CNTNAP5: variants seen among roughly 807,000 people sequenced by gnomAD.
The protein encoded by CNTNAP5 is contactin-associated protein-like 5.
CNTNAP5 carries 72 observed loss-of-function variants against 150.2 expected under a neutral mutation model. The ratio of observed to expected loss-of-function variants is 0.48; its 90% CI spans 0.40 to 0.58. The LOEUF is 0.58. Among genes scored for constraint, CNTNAP5 ranks in the 20% least tolerant of loss-of-function variants. CNTNAP5 has a pLI of 0.00. For missense variants in CNTNAP5, 1,636 were observed against 1,626.2 expected, an observed-to-expected ratio of 1.01 and a Z score of -0.10; for synonymous variants, 672 against 619.8, an observed-to-expected ratio of 1.08 and a Z score of -1.25.
chr2:124,093,865 G>A (rs567777532), intron 1 of CNTNAP5, among the ~76,000 whole-genome samples: 3 of 152,196 alleles, frequency 2.0e-5, no homozygotes, highest in Admixed American at 1.3e-4. Flanking sequence ...TAATGATATC[G>A]CAGCCTCAGT....
chr2:124,452,181 A>G (rs925876730), intron 6 of CNTNAP5, among the ~76,000 whole-genome samples: 10 of 152,184 alleles, frequency 6.6e-5, no homozygotes, highest in African/African-American at 2.4e-4. Flanking sequence ...GCTTGGAAAC[A>G]GACTTGGTGC....
intron 13 of CNTNAP5, among the ~76,000 whole-genome samples, chr2:124,733,238 T>A (rs1680310381): frequency 6.6e-6 from 1 of 152,090 alleles, no homozygotes; most frequent in African/African-American, 2.4e-5. Flanking sequence ...ATACATATAA[T>A]TAGTCTTGAT....
At chr2:124,867,778 T>G (rs1008496345) in intron 20 of CNTNAP5, among the ~76,000 whole-genome samples, 1 of 152,210 alleles carries the variant, frequency 6.6e-6, no homozygotes, top group Non-Finnish European at 1.5e-5. Context: ...GAATCAATCC[T>G]GAATGTGTAT....
At chr2:124,712,805 T>C (rs146721916) in intron 13 of CNTNAP5, among the ~76,000 whole-genome samples, 1 of 151,864 alleles carries the variant, frequency 6.6e-6, no homozygotes, top group Non-Finnish European at 1.5e-5. Flanking sequence ...TGGAGTGCAA[T>C]AATGCAATTG....
chr2:124,100,070 T>C (rs1232383817), intron 1 of CNTNAP5, among the ~76,000 whole-genome samples: 11 of 133,506 alleles, frequency 8.2e-5, no homozygotes, highest in Non-Finnish European at 1.9e-4. Flanking sequence ...AGAAGTTTAA[T>C]TTTTCTCACC....
chr2:124,117,931 A>G (rs1365897025), intron 1 of CNTNAP5, among the ~76,000 whole-genome samples: 2 of 152,158 alleles, frequency 1.3e-5, no homozygotes, highest in Non-Finnish European at 2.9e-5. Context: ...AAAAAAATAC[A>G]AAACATTAGC....
chr2:124,379,035 A>G (rs1412135157), intron 3 of CNTNAP5, among the ~76,000 whole-genome samples: 2 of 151,982 alleles, frequency 1.3e-5, no homozygotes, highest in Admixed American at 6.6e-5. Context: ...TCAGAGCAAA[A>G]TTGAGCAGAA....
intron 13 of CNTNAP5, among the ~76,000 whole-genome samples, chr2:124,713,318 C>CTTTCTTTCTTT (rs1553434509): frequency 1.1e-4 from 5 of 43,926 alleles, no homozygotes; most frequent in African/African-American, 3.1e-4. Context: ...CTCTTTCTTT[C>CTTTCTTTCTTT]CTTTCTTTCT....
At chr2:124,095,039 T>C (rs778596040) in intron 1 of CNTNAP5, among the ~76,000 whole-genome samples, 1 of 152,190 alleles carries the variant, frequency 6.6e-6, no homozygotes, top group Non-Finnish European at 1.5e-5. Flanking sequence ...GTAAGACACA[T>C]GCACACTTAT....
intron 1 of CNTNAP5, among the ~76,000 whole-genome samples, chr2:124,091,419 G>A (rs1304960277): frequency 6.6e-6 from 1 of 152,142 alleles, no homozygotes; most frequent in Non-Finnish European, 1.5e-5. Context: ...TCAAACTGGG[G>A]TGATTGCTAG....
intron 10 of CNTNAP5, among the ~76,000 whole-genome samples, chr2:124,552,657 G>T (rs1174773334): frequency 6.6e-6 from 1 of 152,018 alleles, no homozygotes; most frequent in Non-Finnish European, 1.5e-5. Flanking sequence ...CTATAAATTT[G>T]TGTGTGTATA....
chr2:124,284,296 C>T (rs1239182859), intron 3 of CNTNAP5, among the ~76,000 whole-genome samples: 1 of 152,126 alleles, frequency 6.6e-6, no homozygotes, highest in Non-Finnish European at 1.5e-5. Flanking sequence ...AGGCTACTGC[C>T]TGGGGAACCA....
intron 3 of CNTNAP5, among the ~76,000 whole-genome samples, chr2:124,393,153 A>G (rs60062737): frequency 0.1 from 15,837 of 152,096 alleles, 1,200 homozygotes; most frequent in African/African-American, 0.22. Context: ...CCAATTTACC[A>G]CTGTAGATTG....
At chr2:124,243,805 CTAAAA>C (rs544694503) in intron 3 of CNTNAP5, among the ~76,000 whole-genome samples, 6 of 151,624 alleles carry the variant, frequency 4.0e-5, no homozygotes, top group African/African-American at 9.7e-5. Context: ...CCCCTTGAAC[CTAAAA>C]TAAAAGTTGA....
intron 3 of CNTNAP5, among the ~76,000 whole-genome samples, chr2:124,340,280 CAGA>C (rs1275821767): frequency 3.3e-5 from 5 of 152,176 alleles, no homozygotes; most frequent in African/African-American, 1.2e-4. Context: ...TCAACTCTAT[CAGA>C]TTTCTCTTAC....
intron 1 of CNTNAP5, among the ~76,000 whole-genome samples, chr2:124,049,390 A>G (rs1378783218): frequency 6.6e-6 from 1 of 152,202 alleles, no homozygotes; most frequent in Non-Finnish European, 1.5e-5. Flanking sequence ...AGTCTTAAAG[A>G]TGATGTTCTT....
intron 13 of CNTNAP5, among the ~76,000 whole-genome samples, chr2:124,694,177 G>A (rs1022123362): frequency 6.6e-6 from 1 of 152,120 alleles, no homozygotes; most frequent in Admixed American, 6.6e-5. Context: ...TCAAATGAAT[G>A]CTTTCAGGCC....
chr2:124,853,139 A>G (rs1683190185), intron 19 of CNTNAP5, among the ~76,000 whole-genome samples: 2 of 152,218 alleles, frequency 1.3e-5, no homozygotes, highest in South Asian at 4.1e-4. Flanking sequence ...TAAAGGGAGA[A>G]TGAGAGCGAA....
chr2:124,113,553 A>AT (rs1683353392), intron 1 of CNTNAP5, among the ~76,000 whole-genome samples: 1 of 139,052 alleles, frequency 7.2e-6, no homozygotes, highest in Non-Finnish European at 1.6e-5. Flanking sequence ...ATTTGTAGTA[A>AT]TTTTTTAATA....
Sources: allele counts gnomAD v4.1 joint callset (sites outside exome capture counted in the v4.1 genomes callset), GRCh38; gene constraint gnomAD v4.1.1; transcripts MANE v1.5; gene names NCBI Gene and HGNC (gene_info 2026-07-23, HGNC 2026-07-21).